Variants in FBXO34 observed in about 807,000 individuals in gnomAD.
FBXO34 encodes the protein F-box protein 34, also known as F-box only protein 34.
Under a neutral mutation model 24.5 loss-of-function variants are expected in FBXO34, and 12 were observed. The ratio of observed to expected loss-of-function variants is 0.49; its 90% confidence interval spans 0.31 to 0.79. The LOEUF (loss-of-function observed/expected upper bound fraction) is 0.79. Ranked by LOEUF, FBXO34 falls within the 30% of genes least tolerant of loss-of-function variation. The pLI, the probability that FBXO34 is intolerant of heterozygous loss-of-function variation, is 0.04. For missense variants in FBXO34, 823 were observed against 857.7 expected (o/e 0.96, Z 0.51); for synonymous variants, 320 against 311.9 (o/e 1.03, Z -0.27).
chr14:55,308,014 G>C (rs962133218), intron 1 of FBXO34, among the ~76,000 whole-genome samples: 26 of 152,136 alleles, frequency 1.7e-4, no homozygotes, highest in African/African-American at 6.3e-4. Flanking sequence ...TGTTCTCCTC[G>C]TGGTAATAAG....
In FBXO34 at chr14:55,350,773, G is replaced by T. The variant is rs772441793; in HGVS notation, c.383G>T (p.Cys128Phe). ...EKIAFFASHQ[C>F]SNRIGSMKIK... is the part of the protein sequence containing the mutation. The stretch of plus-strand genomic sequence containing the variant: ...ATTGCATTCTTTGCATCCCACCAGT[G>T]TAGTAACAGGATAGGATCTATGAAA... Residue 128 changes from cysteine (C) to phenylalanine (F), a missense_variant, in exon 2 of 2, where the codon TGT becomes TTT. Coordinates refer to ENST00000313833, the MANE Select transcript of FBXO34 (RefSeq NM_017943.4). 2.5e-6 allele frequency: 4 copies of T among 1,608,300 alleles called. 1 individual carries two copies. The South Asian group carries it at 4.4e-5, about 18-fold the overall frequency.
chr14:55,395,414 A>G, the FBXO34 span, among the ~76,000 whole-genome samples: 8,858 of 152,310 alleles, frequency 0.058, 326 homozygotes, highest in South Asian at 0.089. Context: ...GTGCTGTGGC[A>G]CGATCTTGGC....
chr14:55,326,283 A>G (rs1883340084), intron 1 of FBXO34, among the ~76,000 whole-genome samples: 5 of 152,206 alleles, frequency 3.3e-5, no homozygotes, highest in African/African-American at 1.2e-4. Flanking sequence ...CATTCACATT[A>G]AAGACAACTA....
chr14:55,369,738 A>G, downstream of FBXO34: 2 of 1,613,856 alleles, frequency 1.2e-6, no homozygotes, highest in Non-Finnish European at 1.7e-6. Flanking sequence ...TGACTCTGGG[A>G]GACTTCCACA....
chr14:55,305,793 T>C (rs1462053772), intron 1 of FBXO34, among the ~76,000 whole-genome samples: 2 of 152,222 alleles, frequency 1.3e-5, no homozygotes, highest in African/African-American at 4.8e-5. Flanking sequence ...TTTCCCGATC[T>C]GAATTTTATC....
intron 1 of FBXO34, chr14:55,285,526 C>G (rs1881732070): frequency 6.6e-6 from 1 of 152,058 alleles, no homozygotes; most frequent in African/African-American, 2.4e-5. Flanking sequence ...CCACTGCCGT[C>G]CAGCATTGGC....
At chr14:55,433,854 A>G in the FBXO34 span, 2 of 663,556 alleles carry the variant, frequency 3.0e-6, no homozygotes, top group Non-Finnish European at 4.9e-6. Flanking sequence ...TTTTCTCCCT[A>G]CATTAAGGTT....
the FBXO34 span, among the ~76,000 whole-genome samples, chr14:55,409,564 A>C: frequency 6.6e-6 from 1 of 151,826 alleles, no homozygotes; most frequent in South Asian, 2.1e-4. Flanking sequence ...AGGCACCTAA[A>C]AAAAAAAACA....
At position 55,351,405 on chromosome 14, in the gene FBXO34, C is replaced by G. The variant is rs1486168561; in HGVS notation, c.1015C>G (p.Gln339Glu). 1.2e-6 allele frequency: 2 copies of G among 1,614,204 alleles called. No homozygotes were observed. Among genetic ancestry groups the G allele is most frequent in the East Asian group, 2.2e-5 (1 of 44,880 alleles). The change falls in exon 2 of 2, where the codon CAG becomes GAG. Residue 339 changes from glutamine (Q) to glutamate (E), a missense_variant. Gln to Glu is a conservative substitution (Grantham distance 29, BLOSUM62 2). Transcript: ENST00000313833. The stretch of plus-strand genomic sequence containing the variant: ...AGGCGTCTTGGAGGCACCTGACACT[C>G]AGGTGAATCCTGTGGGGTCTGTATC... The part of the protein sequence containing the change: ...KKGVLEAPDT[Q>E]VNPVGSVSVD...
At chr14:55,420,028 T>C in the FBXO34 span, among the ~76,000 whole-genome samples, 1 of 152,336 alleles carries the variant, frequency 6.6e-6, no homozygotes, top group South Asian at 2.1e-4. Context: ...CTTGGTTCCT[T>C]TCCTGAGGTG....
intron 3 of FBXO34, among the ~76,000 whole-genome samples, chr14:55,359,854 A>C (rs539956154): frequency 6.8e-6 from 1 of 147,786 alleles, no homozygotes; most frequent in East Asian, 2.0e-4. Flanking sequence ...CCACGGTGGG[A>C]GGGCTGCTTG....
At chr14:55,311,184 T>A (rs1388103748) in intron 1 of FBXO34, among the ~76,000 whole-genome samples, 2 of 152,168 alleles carry the variant, frequency 1.3e-5, no homozygotes, top group Non-Finnish European at 2.9e-5. Context: ...GATACTTTCT[T>A]CACAATGTGG....
intron 1 of FBXO34, chr14:55,285,235 T>C (rs1881717957): frequency 6.7e-6 from 1 of 150,086 alleles, no homozygotes; most frequent in African/African-American, 2.4e-5. Context: ...TAGCCAGGCG[T>C]GGTGGCGCAT....
Position 55,352,661 on chromosome 14 carries a change from C to A in FBXO34, c.*135C>A. On this transcript the variant is annotated 3_prime_UTR_variant, in exon 2 of 2. Transcript: ENST00000313833. Reference sequence around the variant, plus strand: ...CATCATCAGGACTGCATTGCTCAGGCATTTTCTAAACTCTAAATTTACGAG... The same window carrying A: ...CATCATCAGGACTGCATTGCTCAGGAATTTTCTAAACTCTAAATTTACGAG... 1.4e-6 allele frequency: 1 copy of A among 732,878 alleles called. No individual in the cohort carries two copies. The highest frequency in any genetic ancestry group is 2.1e-6 in the Non-Finnish European group (1 of 474,660). 45.4% of individuals were successfully genotyped at this position (732,878 alleles called of 1,614,324 possible).
chr14:55,381,763 ATG>A, the FBXO34 span, among the ~76,000 whole-genome samples: 1,414 of 152,280 alleles, frequency 9.3e-3, 31 homozygotes, highest in African/African-American at 0.033. Context: ...GAGTGGGGAA[ATG>A]TGACACTTTC....
intron 3 of FBXO34, chr14:55,361,657 GT>G (rs1884597221): frequency 1.3e-5 from 2 of 152,154 alleles, no homozygotes; most frequent in African/African-American, 4.8e-5. Flanking sequence ...GTTGTTTAGT[GT>G]AACCATCTTC....
chr14:55,276,204 T>TA (rs1417461241), intron 1 of FBXO34, among the ~76,000 whole-genome samples: 1 of 152,216 alleles, frequency 6.6e-6, no homozygotes, highest in African/African-American at 2.4e-5. Context: ...ACTTGGGAAA[T>TA]ACGCAAGCCT....
chr14:55,396,979 A>T, the FBXO34 span, among the ~76,000 whole-genome samples: 1 of 152,220 alleles, frequency 6.6e-6, no homozygotes, highest in African/African-American at 2.4e-5. Context: ...TGATACAGGT[A>T]ATGTGCAGAC....
At chr14:55,316,253 G>A (rs1407150166) in intron 1 of FBXO34, among the ~76,000 whole-genome samples, 1 of 152,054 alleles carries the variant, frequency 6.6e-6, no homozygotes, top group Non-Finnish European at 1.5e-5. Flanking sequence ...GCTGAGTACA[G>A]GATGAACATG....
Sources: allele counts gnomAD v4.1 joint callset (sites outside exome capture counted in the v4.1 genomes callset), GRCh38; gene constraint gnomAD v4.1.1; transcripts MANE v1.5; gene names NCBI Gene and HGNC (gene_info 2026-07-23, HGNC 2026-07-21).